Variants in SFXN1 observed in about 807,000 individuals in gnomAD.
SFXN1 encodes sideroflexin-1.
SFXN1 carries 32 observed loss-of-function variants against 39.5 expected under a neutral mutation model. The observed-to-expected ratio is 0.81, with a 90% CI of 0.61 to 1.09. The LOEUF (loss-of-function observed/expected upper bound fraction) is 1.09, where lower values mean the gene tolerates loss of function less well. Among genes scored for constraint, SFXN1 ranks in the 50% least tolerant of loss-of-function variants. SFXN1 has a pLI of 0.00. For missense variants in SFXN1, 402 were observed against 407.1 expected, an observed-to-expected ratio of 0.99 and a Z score of 0.11; for synonymous variants, 136 against 146.5, an observed-to-expected ratio of 0.93 and a Z score of 0.52.
rs114748000 is a variant in SFXN1 at position 175,510,795 on chromosome 5, A to T, written c.434+588A>T. On this transcript the variant is annotated intron_variant, in intron 4 of 10. Coordinates refer to ENST00000321442, the MANE Select transcript of SFXN1 (RefSeq NM_022754.7). ...ACGTTAGTTAGCATAATTGTATTAC[A>T]CTTGAAAGAAAAGTGCTTCTCTTTT... 5.2e-3 allele frequency among the ~76,000 whole-genome samples: 790 copies of T among 152,338 alleles called. 5 individuals carry two copies. The highest frequency in any genetic ancestry group is 0.018 in the African/African-American group (737 of 41,572).
intron 2 of SFXN1, among the ~76,000 whole-genome samples, chr5:175,494,331 A>G (rs1759775997): frequency 6.6e-6 from 1 of 152,366 alleles, no homozygotes; most frequent in South Asian, 2.1e-4. Context: ...AAAGGGCTCA[A>G]TCTTTTCATC....
intron 1 of SFXN1, among the ~76,000 whole-genome samples, chr5:175,486,208 A>G (rs1390924386): frequency 6.6e-6 from 1 of 152,158 alleles, no homozygotes; most frequent in African/African-American, 2.4e-5. Context: ...CCAAGATATC[A>G]TTTCTCTGCA....
chr5:175,526,971 T>G lies in SFXN1; in HGVS notation c.*237T>G. 6 of 513,772 alleles carry G rather than the reference T, an allele frequency of 1.2e-5. No individual in the cohort carries two copies. The highest frequency in any genetic ancestry group is 2.1e-5 in the Non-Finnish European group (6 of 291,724). The allele number at this position is 513,772 out of a possible 1,614,324, so 31.8% of individuals were successfully genotyped here. ...TATAGAAATACCTTTCCTGTAGCTT[T>G]TATAGTCATTGTTTTTCAAAGACGA... is the stretch of plus-strand genomic sequence containing the variant. On this transcript the variant is annotated 3_prime_UTR_variant, in exon 11 of 11. Transcript: ENST00000321442.
chr5:175,526,113 T>C (rs894566141), intron 10 of SFXN1: 14 of 149,526 alleles, frequency 9.4e-5, no homozygotes, highest in Admixed American at 2.6e-4. Context: ...AGCGGGATTA[T>C]AAATGTTTTG....
intron 1 of SFXN1, among the ~76,000 whole-genome samples, chr5:175,479,136 G>A (rs955316733): frequency 1.3e-5 from 2 of 152,260 alleles, no homozygotes; most frequent in African/African-American, 4.8e-5. Context: ...ATCCAGTAGG[G>A]AGGTGATGTG....
chr5:175,480,462 C>T (rs1421251139), intron 1 of SFXN1, among the ~76,000 whole-genome samples: 3 of 151,586 alleles, frequency 2.0e-5, no homozygotes, highest in African/African-American at 4.8e-5. Context: ...CAGCTTAGTA[C>T]GTATTCAGAG....
chr5:175,511,331 G>A (rs188146371), intron 4 of SFXN1, 120 bp from the exon 5 acceptor site: 2 of 766,202 alleles, frequency 2.6e-6, no homozygotes, highest in Non-Finnish European at 4.4e-6. Context: ...ATGTTGTTTT[G>A]TAGACTCTTC....
intron 5 of SFXN1, 85 bp downstream of exon 5, chr5:175,511,611 T>G: frequency 9.5e-7 from 1 of 1,052,308 alleles, no homozygotes; most frequent in Non-Finnish European, 1.4e-6. Flanking sequence ...TTTCTTAAAC[T>G]AGTTCAAGTC....
At chr5:175,513,428 T>C in intron 6 of SFXN1, 35 bp from the exon 7 acceptor site, 1 of 1,598,438 alleles carries the variant, frequency 6.3e-7, no homozygotes, top group Non-Finnish European at 8.6e-7. Flanking sequence ...ATTGAAGGCA[T>C]TGGTGGAGCT....
intron 1 of SFXN1, among the ~76,000 whole-genome samples, chr5:175,481,770 C>T (rs1759261975): frequency 6.6e-6 from 1 of 152,210 alleles, no homozygotes; most frequent in Non-Finnish European, 1.5e-5. Context: ...GAAGCATATG[C>T]AACACAAATC....
At position 175,498,095 on chromosome 5, in the gene SFXN1, GAA is replaced by G. The variant is rs1216238829; in HGVS notation, c.164+5831_164+5832del. 4.6e-5 allele frequency among the ~76,000 whole-genome samples: 7 copies of G among 151,170 alleles called. No homozygotes were observed. In the South Asian group the frequency reaches 1.3e-3, roughly 27 times the overall value. On this transcript the variant is annotated intron_variant, in intron 2 of 10. Transcript: ENST00000321442. ...AGTAAAAACAATGAGAAATTAATGA[GAA>G]AATTAATTATTAATCTTATTAATGA... is the stretch of plus-strand genomic sequence containing the variant.
chr5:175,491,496 G>T (rs1759653580), intron 1 of SFXN1: 3 of 150,074 alleles, frequency 2.0e-5, no homozygotes. Context: ...TTTTTTAGAG[G>T]CATGGTCTTG....
intron 10 of SFXN1, chr5:175,524,141 T>A (rs1256478437): frequency 0.01 from 231 of 22,404 alleles, 1 homozygote; most frequent in South Asian, 0.046. Context: ...TATATATATA[T>A]ATATATATAT....
At position 175,522,491 on chromosome 5, in the gene SFXN1, C is replaced by T. The variant is rs532019108; in HGVS notation, c.872+69C>T. ...TAAAAACCAATTGAAGGTGCAGGTG[C>T]CATTATTCCATTTCATTGGCAGGGA... On this transcript the variant is annotated intron_variant, in intron 10 of 10. Transcript: ENST00000321442. 21 of 1,447,482 alleles carry T rather than the reference C, an allele frequency of 1.5e-5. 1 individual carries two copies. Among genetic ancestry groups the T allele is most frequent in the African/African-American group, 7.1e-5 (5 of 70,426 alleles). The allele number at this position is 1,447,482 out of a possible 1,614,324, so 89.7% of individuals were successfully genotyped here.
intron 2 of SFXN1, among the ~76,000 whole-genome samples, chr5:175,508,163 A>G (rs1053107413): frequency 6.7e-6 from 1 of 150,022 alleles, no homozygotes; most frequent in Non-Finnish European, 1.5e-5. Flanking sequence ...CCTATTCCCT[A>G]TATATAATTT....
intron 2 of SFXN1, 81 bp downstream of exon 2, chr5:175,492,348 G>A: frequency 1.7e-5 from 20 of 1,169,630 alleles, no homozygotes; most frequent in South Asian, 8.6e-5. Context: ...TTCACTTAGT[G>A]ATTTTACAAC....
intron 2 of SFXN1, among the ~76,000 whole-genome samples, chr5:175,501,305 T>C (rs1412403110): frequency 6.6e-6 from 1 of 152,068 alleles, no homozygotes; most frequent in Non-Finnish European, 1.5e-5. Flanking sequence ...CCTGACCTCG[T>C]TATCCGCCCG....
Position 175,526,898 on chromosome 5 carries a change from C to CGT in SFXN1, c.*166_*167dup. 1.6e-6 allele frequency: 1 copy of CGT among 629,584 alleles called. No homozygotes were observed. Among genetic ancestry groups the CGT allele is most frequent in the Non-Finnish European group, 2.8e-6 (1 of 355,642 alleles). 39.0% of individuals were successfully genotyped at this position (629,584 alleles called of 1,614,324 possible). On this transcript the variant is annotated 3_prime_UTR_variant, in exon 11 of 11. Coordinates refer to ENST00000321442, the MANE Select transcript of SFXN1 (RefSeq NM_022754.7). ...GCTGCTACTTTAACAGAGCACCTGGCGTGGGCCAAGTGCCTGATACTCCCT... is the reference window on the plus strand; with the variant it reads ...GCTGCTACTTTAACAGAGCACCTGGCGTGTGGGCCAAGTGCCTGATACTCCCT...
rs184291285 is a variant in SFXN1 at position 175,514,936 on chromosome 5, T to A, written c.724+1346T>A. 3.3e-3 allele frequency among the ~76,000 whole-genome samples: 495 copies of A among 152,272 alleles called. 1 individual carries two copies. Among genetic ancestry groups the A allele is most frequent in the Middle Eastern group, 0.024 (7 of 294 alleles). ...AAGGAGGCTATGGAGCCCACCCCGG[T>A]GTTCCTACTGAGCCCTGATTTCCAG... On this transcript the variant is annotated intron_variant, in intron 7 of 10. Transcript: ENST00000321442.
Sources: gnomAD v4.1 joint callset for allele counts (sites outside exome capture counted in the v4.1 genomes callset) on GRCh38, gnomAD v4.1.1 for gene constraint, MANE v1.5 for transcripts, NCBI Gene and HGNC (gene_info 2026-07-23, HGNC 2026-07-21) for gene names.